NOD2: variants seen among roughly 807,000 people sequenced by gnomAD.
The protein encoded by NOD2 is nucleotide binding oligomerization domain containing 2, also known as nucleotide-binding oligomerization domain-containing protein 2.
In NOD2, 86 loss-of-function variants were observed where a neutral mutation model predicts 90.9. The observed-to-expected ratio is 0.95, with a 90% CI of 0.79 to 1.13. The LOEUF (loss-of-function observed/expected upper bound fraction) is 1.13. Ranked by LOEUF, NOD2 falls within the 50% of genes most tolerant of loss-of-function variation. NOD2 has a pLI of 0.00. For synonymous variants in NOD2, 581 were observed against 554.6 expected (o/e 1.05, Z -0.67); for missense variants, 1,238 against 1,283.8 (o/e 0.96, Z 0.55).
chr16:50,718,381 G>A (rs924011557), intron 6 of NOD2, among the ~76,000 whole-genome samples: 1 of 152,234 alleles, frequency 6.6e-6, no homozygotes, highest in African/African-American at 2.4e-5. Context: ...GCGCTGGACG[G>A]GGGGCTGATT....
At chr16:50,731,407 T>C (rs1477611869) in intron 11 of NOD2, among the ~76,000 whole-genome samples, 1 of 152,196 alleles carries the variant, frequency 6.6e-6, no homozygotes. Context: ...TTGCTGCCTG[T>C]TGATGGAACT....
rs57627342 is a variant in NOD2, at chr16:50,709,149, G to C, written c.565+1189G>C. 2.5e-3 allele frequency among the ~76,000 whole-genome samples: 378 copies of C among 152,200 alleles called. 5 individuals carry two copies. Among genetic ancestry groups the C allele is most frequent in the African/African-American group, 8.6e-3 (356 of 41,522 alleles). ...GAAGATATATATCTGATATGTACTG[G>C]AGAGGAAGATATCTATCTTATGGTC... On this transcript the variant is annotated intron_variant, in intron 3 of 11. Coordinates refer to ENST00000647318, the MANE Select transcript of NOD2 (RefSeq NM_001370466.1).
intron 4 of NOD2, among the ~76,000 whole-genome samples, chr16:50,715,447 G>A (rs554170576): frequency 6.0e-5 from 9 of 150,376 alleles, no homozygotes; most frequent in East Asian, 1.9e-4. Flanking sequence ...ACGGAGTCTC[G>A]TTCTGTTGCC....
chr16:50,697,232 TA>T, intron 1 of NOD2: 1 of 1,553,706 alleles, frequency 6.4e-7, no homozygotes, highest in Non-Finnish European at 8.7e-7. Flanking sequence ...TCCCCCAGCC[TA>T]ATGGGCTTTG....
chr16:50,699,446 G>T, intron 1 of NOD2, 42 bp from the exon 2 acceptor site: 1 of 1,578,568 alleles, frequency 6.3e-7, no homozygotes, highest in Non-Finnish European at 8.7e-7. Context: ...CCTGCATCTG[G>T]CTTCTGGAGA....
intron 2 of NOD2, among the ~76,000 whole-genome samples, chr16:50,702,879 T>C (rs938586784): frequency 3.9e-5 from 6 of 152,168 alleles, no homozygotes; most frequent in Admixed American, 3.3e-4. Flanking sequence ...TCATAAAATG[T>C]GGGGGCTTTG....
In NOD2 at chr16:50,710,187, C is replaced by T. The variant is rs80199944; in HGVS notation, c.566-371C>T. On this transcript the variant is annotated intron_variant, in intron 3 of 11. Coordinates refer to ENST00000647318, the MANE Select transcript of NOD2 (RefSeq NM_001370466.1). ...CCGATCCCAGCCCAGAGCCCCTTCC[C>T]GTCATCTAGAACTCCTCCTGGTGTC... Among the ~76,000 whole-genome samples, 1,135 of 152,326 alleles carry T rather than the reference C, an allele frequency of 7.5e-3. 9 individuals are homozygous for T. Among genetic ancestry groups the T allele is most frequent in the Non-Finnish European group, 0.011 (765 of 68,026 alleles).
At chr16:50,712,882 C>T (rs1964605310) in intron 4 of NOD2, 1 of 178,582 alleles carries the variant, frequency 5.6e-6, no homozygotes, top group Admixed American at 5.3e-5. Context: ...TGACTTGTGC[C>T]CCATCAGAGA....
At chr16:50,718,651 G>A (rs563873445) in intron 6 of NOD2, among the ~76,000 whole-genome samples, 1 of 152,326 alleles carries the variant, frequency 6.6e-6, no homozygotes, top group South Asian at 2.1e-4. Context: ...CCTCAGGTCA[G>A]CCCAATGTCT....
intron 2 of NOD2, among the ~76,000 whole-genome samples, chr16:50,705,406 T>C (rs1425341718): frequency 2.0e-5 from 3 of 152,224 alleles, no homozygotes; most frequent in Non-Finnish European, 4.4e-5. Flanking sequence ...GGGCTCATGA[T>C]ACTCTTTGGT....
Position 50,711,029 on chromosome 16 carries a change from G to A in NOD2, c.1037G>A (p.Arg346His), listed in dbSNP as rs764176270. The change falls in exon 4 of 12, where the codon CGT (arginine) becomes CAT (histidine). Residue 346 changes from arginine (R) to histidine (H), a missense_variant. Arg to His is a conservative substitution (Grantham distance 29). Around this residue, in one of 3 missense-constraint regions of NOD2, gnomAD observed 567 missense variants for 577.3 expected, o/e 0.98. Transcript: ENST00000647318. ...CAGTTACTCCTTGACCACCCTGACC[G>A]TGTCCTGTTAACCTTTGATGGCTTT... ...IFQLLLDHPDRVLLTFDGFDE... is the reference protein window; with the variant it reads ...IFQLLLDHPDHVLLTFDGFDE... 1.5e-5 allele frequency: 24 copies of A among 1,614,072 alleles called. No homozygotes were observed. In the Admixed American group the frequency reaches 1.5e-4, roughly 10 times the overall value.
intron 7 of NOD2, 83 bp from the exon 8 acceptor site, chr16:50,722,539 A>G: frequency 7.6e-7 from 1 of 1,323,086 alleles, no homozygotes; most frequent in South Asian, 1.2e-5. Flanking sequence ...GGGACTGCAG[A>G]GGGAGGAGGA....
chr16:50,699,408 C>A, intron 1 of NOD2, 80 bp from the exon 2 acceptor site: 1 of 1,201,088 alleles, frequency 8.3e-7, no homozygotes, highest in Non-Finnish European at 1.2e-6. Context: ...TCTGCTGGGG[C>A]TGACTTGCCC....
At chr16:50,717,040 T>C (rs1269374421) in intron 6 of NOD2, 66 bp downstream of exon 6, 10 of 1,433,118 alleles carry the variant, frequency 7.0e-6, no homozygotes, top group Non-Finnish European at 8.9e-6. Context: ...CAGTCTGATC[T>C]GGTCTTGGCC....
At chr16:50,697,450 G>C (rs2150777045) in intron 1 of NOD2, 2 of 880,680 alleles carry the variant, frequency 2.3e-6, no homozygotes, top group East Asian at 2.6e-5. Flanking sequence ...TGGGGAGAAT[G>C]GGTCGGCGGG....
chr16:50,713,874 G>T (rs1357268987), intron 4 of NOD2, among the ~76,000 whole-genome samples: 1 of 152,156 alleles, frequency 6.6e-6, no homozygotes, highest in Non-Finnish European at 1.5e-5. Flanking sequence ...AGGCCGAGTG[G>T]GCTGTCTGCT....
intron 7 of NOD2, among the ~76,000 whole-genome samples, chr16:50,721,277 A>G (rs867104078): frequency 1.1e-4 from 16 of 151,108 alleles, no homozygotes; most frequent in African/African-American, 3.9e-4. Context: ...CTTTCAACAC[A>G]TATTTATTAG....
Position 50,716,598 on chromosome 16 carries a change from A to G in NOD2, c.2393A>G (p.Asn798Ser), listed in dbSNP as rs747787438. The G allele has an allele frequency of 1.2e-5, 20 of 1,614,004 alleles. No homozygotes were observed. The Admixed American group carries it at 2.3e-4, about 19-fold the overall frequency. Reference protein sequence around the residue: ...GVCKALYLRDNNISDRGICKL... With the variant: ...GVCKALYLRDSNISDRGICKL... Reference sequence around the variant, plus strand: ...TTTTGTCTCTTTAGTTTGCGCGATAACAATATCTCAGACCGAGGCATCTGC... The same window carrying G: ...TTTTGTCTCTTTAGTTTGCGCGATAGCAATATCTCAGACCGAGGCATCTGC... Residue 798 changes from asparagine (N) to serine (S), a missense_variant, in exon 5 of 12, where the codon AAC (asparagine) becomes AGC (serine). Asn to Ser is a conservative substitution (Grantham distance 46). Coordinates refer to ENST00000647318, the MANE Select transcript of NOD2 (RefSeq NM_001370466.1).
In NOD2 at chr16:50,699,893, G is replaced by T; in HGVS notation, c.398G>T (p.Gly133Val). The T allele has an allele frequency of 6.2e-7, 1 of 1,612,632 alleles. No homozygotes were observed. The highest frequency in any genetic ancestry group is 2.2e-5 in the East Asian group (1 of 44,872). Reference sequence around the variant, plus strand: ...ATGCTGGACCTGGCATGGGAGCGGGGTTTCGTCAGCCAGTATGAATGTGAT... The same window carrying T: ...ATGCTGGACCTGGCATGGGAGCGGGTTTTCGTCAGCCAGTATGAATGTGAT... ...ENMLDLAWER[G>V]FVSQYECDEI... Residue 133 changes from glycine (G) to valine (V), a missense_variant, in exon 2 of 12, where the codon GGT (glycine) becomes GTT (valine). Physicochemically the swap from Gly to Val is moderately radical, Grantham distance 109 (BLOSUM62 -3). Around this residue, in one of 3 missense-constraint regions of NOD2, gnomAD observed 567 missense variants for 577.3 expected, o/e 0.98. Coordinates refer to ENST00000647318, the MANE Select transcript of NOD2 (RefSeq NM_001370466.1).
Sources: allele counts gnomAD v4.1 joint callset (sites outside exome capture counted in the v4.1 genomes callset), GRCh38; gene constraint gnomAD v4.1.1; regional missense constraint gnomAD v4.1.1; transcripts MANE v1.5; gene names NCBI Gene and HGNC (gene_info 2026-07-23, HGNC 2026-07-21).